Variants in PHF24 observed in about 807,000 individuals in gnomAD.
PHF24 encodes the protein PHD finger protein 24.
In PHF24, 25 loss-of-function variants were observed where a neutral mutation model predicts 42.6. The observed-to-expected ratio is 0.59, with a 90% CI of 0.43 to 0.82. The LOEUF is 0.82. PHF24 is among the 40% of genes least tolerant of loss of function. The pLI is 0.00. For synonymous variants in PHF24, 185 were observed against 204.8 expected (o/e 0.90, Z 0.83); for missense variants, 470 against 538.1 (o/e 0.87, Z 1.25).
the PHF24 span, chr9:34,690,136 G>T: frequency 6.3e-7 from 1 of 1,593,608 alleles, no homozygotes. Context: ...GCATGGAGAA[G>T]GGGAATAAGA....
chr9:34,782,642 A>G, the PHF24 span, among the ~76,000 whole-genome samples: 1 of 152,176 alleles, frequency 6.6e-6, no homozygotes, highest in African/African-American at 2.4e-5. Flanking sequence ...CCTGAGGCAG[A>G]GGTAAGGGTC....
intron 1 of PHF24, among the ~76,000 whole-genome samples, chr9:34,966,785 C>G (rs1286719418): frequency 6.6e-6 from 1 of 152,016 alleles, no homozygotes; most frequent in Non-Finnish European, 1.5e-5. Flanking sequence ...CACTACAGAC[C>G]CAAACTCCTG....
the PHF24 span, among the ~76,000 whole-genome samples, chr9:34,831,261 G>A: frequency 2.0e-5 from 3 of 152,176 alleles, no homozygotes; most frequent in African/African-American, 7.2e-5. Flanking sequence ...CATCCCCTGA[G>A]GAAAAGGCAC....
the PHF24 span, chr9:34,922,356 C>T: frequency 2.0e-6 from 3 of 1,536,560 alleles, no homozygotes; most frequent in Non-Finnish European, 2.7e-6. Context: ...TGCAAGAGAG[C>T]AGGCTTTCTC....
the PHF24 span, among the ~76,000 whole-genome samples, chr9:34,731,561 C>T: frequency 1.3e-5 from 2 of 151,998 alleles, no homozygotes; most frequent in African/African-American, 4.8e-5. Context: ...ATTATTTTGC[C>T]ATGCCTGGCT....
At chr9:34,850,497 A>G in the PHF24 span, among the ~76,000 whole-genome samples, 1 of 152,064 alleles carries the variant, frequency 6.6e-6, no homozygotes, top group Non-Finnish European at 1.5e-5. Context: ...CTAGTTATAC[A>G]TTTGTCTAAA....
chr9:34,889,202 T>C, the PHF24 span: 1 of 398,638 alleles, frequency 2.5e-6, no homozygotes, highest in Non-Finnish European at 4.4e-6. Flanking sequence ...TGATGGGTAT[T>C]CTTGCATAAA....
the PHF24 span, chr9:34,917,152 C>T: frequency 7.5e-6 from 9 of 1,192,980 alleles, no homozygotes; most frequent in Middle Eastern, 2.0e-4. Context: ...CCCGTCTGCT[C>T]GGCACCCAGA....
the PHF24 span, chr9:34,727,020 G>A: frequency 2.0e-6 from 3 of 1,533,724 alleles, no homozygotes; most frequent in East Asian, 4.9e-5. Flanking sequence ...AATTAACGAT[G>A]GAGTGACATC....
chr9:34,730,802 T>G, the PHF24 span, among the ~76,000 whole-genome samples: 1 of 152,198 alleles, frequency 6.6e-6, no homozygotes, highest in Non-Finnish European at 1.5e-5. Flanking sequence ...GGACTCTTCC[T>G]GGTGGGAGAA....
At chr9:34,964,377 C>T (rs1350641902) in intron 1 of PHF24, among the ~76,000 whole-genome samples, 1 of 152,172 alleles carries the variant, frequency 6.6e-6, no homozygotes, top group Admixed American at 6.5e-5. Context: ...GACCCTAGAA[C>T]CACCCTCCAT....
the PHF24 span, among the ~76,000 whole-genome samples, chr9:34,732,113 C>T: frequency 6.6e-6 from 1 of 151,628 alleles, no homozygotes; most frequent in Admixed American, 6.6e-5. Flanking sequence ...CCTCCCACCT[C>T]GGCCTCCTAA....
the PHF24 span, among the ~76,000 whole-genome samples, chr9:34,768,477 G>T: frequency 2.6e-5 from 4 of 152,018 alleles, no homozygotes; most frequent in African/African-American, 9.7e-5. Context: ...TTGTGACCTT[G>T]GGCAATTTTT....
chr9:34,884,134 A>G, the PHF24 span, among the ~76,000 whole-genome samples: 3 of 152,216 alleles, frequency 2.0e-5, no homozygotes, highest in African/African-American at 7.2e-5. Flanking sequence ...CAAGCACCGC[A>G]TGTTCTCACT....
At chr9:34,863,204 C>T in the PHF24 span, among the ~76,000 whole-genome samples, 1 of 152,072 alleles carries the variant, frequency 6.6e-6, no homozygotes, top group African/African-American at 2.4e-5. Flanking sequence ...AGGAACTTGA[C>T]ACCCTGAAGG....
the PHF24 span, among the ~76,000 whole-genome samples, chr9:34,828,618 T>G: frequency 6.6e-6 from 1 of 152,234 alleles, no homozygotes; most frequent in Non-Finnish European, 1.5e-5. Context: ...TCTGTTTTTC[T>G]TAATGTCACA....
Position 34,964,668 on chromosome 9 carries a change from G to A in PHF24, c.-5+6267G>A, listed in dbSNP as rs142687643. On this transcript the variant is annotated intron_variant, in intron 1 of 7. Transcript: ENST00000242315. ...TCTAAGCAGGTGCTCTGCAGAAAAT[G>A]GGTGTGTCTTGCAAACATTACAAGC... is the stretch of plus-strand genomic sequence containing the variant. Among the ~76,000 whole-genome samples the A allele has an allele frequency of 1.3e-3, 205 of 152,270 alleles. No homozygotes were observed. In the Middle Eastern group the frequency reaches 0.024, roughly 18 times the overall value.
chr9:34,816,272 T>G, the PHF24 span, among the ~76,000 whole-genome samples: 5 of 152,126 alleles, frequency 3.3e-5, no homozygotes, highest in African/African-American at 1.2e-4. Context: ...AAAGCAGTGT[T>G]GTTTTCTTTT....
chr9:34,921,087 T>C, the PHF24 span, among the ~76,000 whole-genome samples: 442 of 152,300 alleles, frequency 2.9e-3, 1 homozygote, highest in African/African-American at 1.0e-2. Flanking sequence ...AGAAAGGCTT[T>C]CAGTTTTTCC....
Sources: allele counts gnomAD v4.1 joint callset (sites outside exome capture counted in the v4.1 genomes callset), GRCh38; gene constraint gnomAD v4.1.1; transcripts MANE v1.5; gene names NCBI Gene and HGNC (gene_info 2026-07-23, HGNC 2026-07-21).